The following SH3RF3 variants were observed in gnomAD, a reference collection of about 807,000 sequenced individuals.
SH3RF3 encodes the protein SH3 domain containing ring finger 3, also known as E3 ubiquitin-protein ligase SH3RF3.
Under a neutral mutation model 66.3 loss-of-function variants are expected in SH3RF3, and 29 were observed. That is an observed-to-expected ratio of 0.44 (90% CI 0.33 to 0.60). The LOEUF is 0.60. Ranked by LOEUF, SH3RF3 falls within the 20% of genes least tolerant of loss-of-function variation. The pLI is 0.04. For missense variants in SH3RF3, 1,194 were observed against 1,190.9 expected, an observed-to-expected ratio of 1.00 and a Z score of -0.04; for synonymous variants, 583 against 532.0, an observed-to-expected ratio of 1.10 and a Z score of -1.32.
intron 1 of SH3RF3, among the ~76,000 whole-genome samples, chr2:109,284,953 C>G (rs79641007): frequency 1.1e-3 from 165 of 152,372 alleles, no homozygotes; most frequent in Non-Finnish European, 2.1e-3. Flanking sequence ...GAAAGACATT[C>G]TGGCCTTGTG....
In SH3RF3 at chr2:109,501,499, C is replaced by G; in HGVS notation, c.2481-4C>G. The G allele has an allele frequency of 1.3e-6, 1 of 776,326 alleles. No individual in the cohort carries two copies. Among genetic ancestry groups the G allele is most frequent in the Non-Finnish European group, 2.4e-6 (1 of 416,168 alleles). The allele number at this position is 776,326 out of a possible 1,614,324, so 48.1% of individuals were successfully genotyped here. ...GGGGCTCACCCACTGTGCTGTTTCC[C>G]CAGGTACCGCGTGGTGGTCTCGTAC... On this transcript the variant is annotated splice_polypyrimidine_tract_variant and splice_region_variant and intron_variant, in intron 9 of 9. Transcript: ENST00000309415.
intron 3 of SH3RF3, among the ~76,000 whole-genome samples, chr2:109,388,032 C>T (rs534527722): frequency 1.3e-5 from 2 of 152,304 alleles, no homozygotes; most frequent in Middle Eastern, 3.4e-3. Flanking sequence ...CATCCTGACT[C>T]CTGTTCAGCC....
At chr2:109,236,115 C>T (rs1040222096) in intron 1 of SH3RF3, among the ~76,000 whole-genome samples, 4 of 152,098 alleles carry the variant, frequency 2.6e-5, no homozygotes, top group Middle Eastern at 3.2e-3. Context: ...CATTTTGAAC[C>T]TCTCCAAGAT....
At chr2:109,401,400 G>A (rs1182801112) in intron 4 of SH3RF3, among the ~76,000 whole-genome samples, 2 of 152,322 alleles carry the variant, frequency 1.3e-5, no homozygotes, top group African/African-American at 2.4e-5. Flanking sequence ...CTTCCTCCTA[G>A]AAGAGCAAAG....
At chr2:109,416,618 C>G (rs1021344277) in intron 4 of SH3RF3, among the ~76,000 whole-genome samples, 1 of 151,276 alleles carries the variant, frequency 6.6e-6, no homozygotes, top group Non-Finnish European at 1.5e-5. Context: ...CTCCTGACCA[C>G]ATGATCTGCC....
chr2:109,196,561 G>A (rs1199148127), intron 1 of SH3RF3, among the ~76,000 whole-genome samples: 1 of 152,210 alleles, frequency 6.6e-6, no homozygotes, highest in African/African-American at 2.4e-5. Context: ...TTGTCGTCCT[G>A]CAAGAGTGGC....
intron 1 of SH3RF3, among the ~76,000 whole-genome samples, chr2:109,265,008 C>T (rs1181953163): frequency 6.6e-6 from 1 of 152,232 alleles, no homozygotes; most frequent in East Asian, 1.9e-4. Flanking sequence ...GTCTTAGAGG[C>T]ATCATCAGCC....
intron 2 of SH3RF3, among the ~76,000 whole-genome samples, chr2:109,357,222 C>T (rs1682964426): frequency 1.3e-5 from 2 of 151,634 alleles, no homozygotes; most frequent in South Asian, 4.1e-4. Context: ...TACTCTGTCG[C>T]CCAGGCTGGA....
chr2:109,264,704 G>A (rs374553506), intron 1 of SH3RF3, among the ~76,000 whole-genome samples: 3 of 152,210 alleles, frequency 2.0e-5, no homozygotes, highest in African/African-American at 7.2e-5. Flanking sequence ...AGATGTTTCC[G>A]TAAGGGCTTT....
chr2:109,322,778 C>T (rs1682057194), intron 1 of SH3RF3, among the ~76,000 whole-genome samples: 1 of 152,210 alleles, frequency 6.6e-6, no homozygotes, highest in East Asian at 1.9e-4. Flanking sequence ...CAAATAAGAA[C>T]CCTTCTCCAA....
At chr2:109,138,614 A>G (rs1019447970) in intron 1 of SH3RF3, among the ~76,000 whole-genome samples, 1 of 152,192 alleles carries the variant, frequency 6.6e-6, no homozygotes, top group African/African-American at 2.4e-5. Context: ...GGTTCATTCT[A>G]GTCTTCCTGT....
chr2:109,255,740 A>G (rs1680207956), intron 1 of SH3RF3, among the ~76,000 whole-genome samples: 1 of 152,250 alleles, frequency 6.6e-6, no homozygotes, highest in Admixed American at 6.5e-5. Flanking sequence ...AGCTACTTCT[A>G]GGGCCAGAAT....
intron 7 of SH3RF3, among the ~76,000 whole-genome samples, chr2:109,448,753 T>C (rs548176403): frequency 6.6e-6 from 1 of 152,316 alleles, no homozygotes; most frequent in East Asian, 1.9e-4. Flanking sequence ...GTAATGCACT[T>C]GAATCATCCC....
rs574473849 is a variant in SH3RF3, at chr2:109,226,167, T to C, written c.573+96054T>C. On this transcript the variant is annotated intron_variant, in intron 1 of 9. Coordinates refer to ENST00000309415, the MANE Select transcript of SH3RF3 (RefSeq NM_001099289.3). ...CCCCAAATAGCAGTTATTATCTGTT[T>C]CCCAGGTTTATGAACCCAGCTCACA... is the stretch of plus-strand genomic sequence containing the variant. 4.6e-5 allele frequency among the ~76,000 whole-genome samples: 7 copies of C among 152,220 alleles called. No individual in the cohort carries two copies. The South Asian group carries it at 1.4e-3, about 32-fold the overall frequency.
chr2:109,262,955 C>T (rs749202780), intron 1 of SH3RF3, among the ~76,000 whole-genome samples: 1 of 152,186 alleles, frequency 6.6e-6, no homozygotes, highest in Non-Finnish European at 1.5e-5. Flanking sequence ...GTCTCAGCCT[C>T]CCACGTAGCT....
intron 1 of SH3RF3, among the ~76,000 whole-genome samples, chr2:109,194,502 C>T (rs893244692): frequency 3.9e-5 from 6 of 152,160 alleles, no homozygotes; most frequent in East Asian, 3.8e-4. Flanking sequence ...GTGGGTGGTG[C>T]GCATCTGAGG....
At chr2:109,318,415 T>G (rs546391862) in intron 1 of SH3RF3, among the ~76,000 whole-genome samples, 5 of 152,208 alleles carry the variant, frequency 3.3e-5, no homozygotes, top group African/African-American at 1.2e-4. Flanking sequence ...GCCAGAAGAT[T>G]AGGAGGGAAT....
chr2:109,384,639 G>A (rs1051467173), intron 3 of SH3RF3, among the ~76,000 whole-genome samples: 16 of 152,280 alleles, frequency 1.1e-4, no homozygotes, highest in African/African-American at 3.8e-4. Flanking sequence ...CCGCGACCTT[G>A]TGCCTGTGTC....
At chr2:109,293,628 T>C (rs1681239460) in intron 1 of SH3RF3, among the ~76,000 whole-genome samples, 1 of 152,212 alleles carries the variant, frequency 6.6e-6, no homozygotes, top group South Asian at 2.1e-4. Flanking sequence ...TTTCCAAGAC[T>C]CCTTCATTTG....
Sources: allele counts gnomAD v4.1 joint callset (sites outside exome capture counted in the v4.1 genomes callset), GRCh38; gene constraint gnomAD v4.1.1; transcripts MANE v1.5; gene names NCBI Gene and HGNC (gene_info 2026-07-23, HGNC 2026-07-21).